Variants in SYNE2 observed in about 807,000 individuals in gnomAD.
SYNE2 encodes the protein spectrin repeat containing nuclear envelope protein 2, also known as nesprin-2.
A neutral mutation model predicts 856.3 loss-of-function variants in SYNE2; 431 were observed. That is an observed-to-expected ratio of 0.50 (90% confidence interval 0.47 to 0.55). The LOEUF is 0.55. Among genes scored for constraint, SYNE2 ranks in the 20% least tolerant of loss-of-function variants. The pLI is 0.00. For synonymous variants in SYNE2, 2,923 were observed against 2,872.3 expected, an observed-to-expected ratio of 1.02 and a Z score of -0.56; for missense variants, 8,129 against 8,023.2, an observed-to-expected ratio of 1.01 and a Z score of -0.50.
intron 114 of SYNE2, 39 bp from the exon 115 acceptor site, chr14:64,224,960 T>A (rs1567705653): frequency 6.2e-7 from 1 of 1,602,770 alleles, no homozygotes; most frequent in Non-Finnish European, 8.5e-7. Context: ...AGGACTAAAC[T>A]GTCTTCAACT....
At chr14:64,022,947 G>A in intron 38 of SYNE2, 84 bp downstream of exon 38, 1 of 786,044 alleles carries the variant, frequency 1.3e-6, no homozygotes, top group South Asian at 1.5e-5. Context: ...TAAATAGGGA[G>A]GCTGGGCATG....
chr14:64,150,466 C>T (rs1469892793), intron 84 of SYNE2, among the ~76,000 whole-genome samples: 1 of 152,146 alleles, frequency 6.6e-6, no homozygotes, highest in African/African-American at 2.4e-5. Context: ...AGTGATCCAC[C>T]TGCCTTGGCC....
intron 114 of SYNE2, 40 bp downstream of exon 114, chr14:64,224,587 T>G: frequency 6.2e-7 from 1 of 1,607,700 alleles, no homozygotes; most frequent in Non-Finnish European, 8.5e-7. Context: ...TCACTGGTTA[T>G]TTTTTAAAGT....
At chr14:64,084,795 C>T in intron 57 of SYNE2, 1 of 583,252 alleles carries the variant, frequency 1.7e-6, no homozygotes, top group Non-Finnish European at 3.1e-6. Context: ...ATGGGCATGG[C>T]TTAGCTAAGT....
Position 63,981,022 on chromosome 14 carries a change from T to A in SYNE2, c.1685T>A (p.Met562Lys), listed in dbSNP as rs767729022. The stretch of plus-strand genomic sequence containing the variant: ...CAGAATATTAATAAACAGTATATGA[T>A]GGTGAAATCTGATGTTTGTATGTAT... ...ECQNINKQYM[M>K]VKSDVCMYRK... The change falls in exon 16 of 116, where the codon ATG becomes AAG. Residue 562 changes from methionine to lysine, a missense_variant. Coordinates refer to ENST00000555002, the MANE Select transcript of SYNE2 (RefSeq NM_182914.3). 1 of 1,571,088 alleles carries A rather than the reference T, an allele frequency of 6.4e-7. No individual in the cohort carries two copies. Among genetic ancestry groups the A allele is most frequent in the Non-Finnish European group, 8.8e-7 (1 of 1,142,076 alleles).
chr14:64,209,835 C>T, intron 102 of SYNE2, 107 bp from the exon 103 acceptor site: 1 of 1,467,486 alleles, frequency 6.8e-7, no homozygotes, highest in Non-Finnish European at 9.5e-7. Flanking sequence ...GCTGCCATTG[C>T]AGTTTGGGGA....
At chr14:63,806,969 C>A (rs1022509249) in intron 1 of SYNE2, among the ~76,000 whole-genome samples, 2 of 151,756 alleles carry the variant, frequency 1.3e-5, no homozygotes, top group African/African-American at 4.8e-5. Context: ...CTTGCCTTGG[C>A]CCCTCAAACT....
chr14:63,802,213 T>C (rs908561987), intron 1 of SYNE2, among the ~76,000 whole-genome samples: 2 of 151,492 alleles, frequency 1.3e-5, no homozygotes, highest in African/African-American at 4.9e-5. Flanking sequence ...TTCAAGTGAT[T>C]CTCCTGCCTC....
intron 1 of SYNE2, among the ~76,000 whole-genome samples, chr14:63,884,791 G>T (rs2094944005): frequency 6.6e-6 from 1 of 151,620 alleles, no homozygotes; most frequent in Non-Finnish European, 1.5e-5. Flanking sequence ...TTGATAGGAA[G>T]CCTTTGAAAC....
intron 1 of SYNE2, among the ~76,000 whole-genome samples, chr14:63,880,147 G>C (rs957884608): frequency 3.3e-5 from 5 of 152,148 alleles, no homozygotes; most frequent in African/African-American, 1.2e-4. Context: ...CTGGAGTGCA[G>C]TAGCACGATC....
chr14:64,037,943 AC>A (rs1264211798), intron 45 of SYNE2, among the ~76,000 whole-genome samples: 11 of 142,892 alleles, frequency 7.7e-5, no homozygotes, highest in East Asian at 2.1e-4. Context: ...CGGGGGGCTG[AC>A]CCCCCCACCT....
chr14:63,778,561 C>T (rs1162064252), intron 1 of SYNE2, among the ~76,000 whole-genome samples: 1 of 151,972 alleles, frequency 6.6e-6, no homozygotes, highest in Non-Finnish European at 1.5e-5. Flanking sequence ...GTCACCCAGC[C>T]TATAGTGCAG....
chr14:64,134,085 A>T lies in SYNE2; in HGVS notation c.14531A>T (p.Asp4844Val). The stretch of plus-strand genomic sequence containing the variant: ...ATTCTCTAGAAATGGGAAGAATTTG[A>T]TGAAAACTATGCATCTCTTGAAAAG... ...QSLLQKWEEF[D>V]ENYASLEKDL... The change falls in exon 78 of 116, where the codon GAT becomes GTT. Residue 4844 changes from aspartate to valine, a missense_variant. This residue lies in a region of SYNE2 where 5,410 missense variants were observed against 5,284.8 expected (regional missense o/e 1.02). Transcript: ENST00000555002. 6.2e-7 allele frequency: 1 copy of T among 1,614,132 alleles called. No homozygotes were observed. The highest frequency in any genetic ancestry group is 8.5e-7 in the Non-Finnish European group (1 of 1,179,992).
At chr14:63,972,098 A>G (rs1326244233) in intron 11 of SYNE2, among the ~76,000 whole-genome samples, 1 of 152,164 alleles carries the variant, frequency 6.6e-6, no homozygotes, top group East Asian at 1.9e-4. Context: ...TAGACAACCT[A>G]ATTTTGAAGA....
intron 108 of SYNE2, among the ~76,000 whole-genome samples, chr14:64,217,057 A>G (rs530024316): frequency 6.6e-6 from 1 of 152,276 alleles, no homozygotes; most frequent in African/African-American, 2.4e-5. Flanking sequence ...CCTTTTGTCC[A>G]TACATCCTAT....
chr14:63,880,978 G>A (rs968966186), intron 1 of SYNE2, among the ~76,000 whole-genome samples: 2 of 151,882 alleles, frequency 1.3e-5, no homozygotes, highest in African/African-American at 4.8e-5. Context: ...CTCTCGAGTA[G>A]CTGGGATTAC....
At chr14:63,879,519 C>T (rs2094809301) in intron 1 of SYNE2, among the ~76,000 whole-genome samples, 1 of 152,284 alleles carries the variant, frequency 6.6e-6, no homozygotes, top group Admixed American at 6.5e-5. Context: ...AGGAAAGGCC[C>T]AGGTGGCTGG....
At chr14:63,999,129 G>T (rs2096734920) in intron 27 of SYNE2, 89 bp downstream of exon 27, 6 of 1,254,494 alleles carry the variant, frequency 4.8e-6, no homozygotes, top group Admixed American at 3.7e-5. Context: ...TTCTGTTGAG[G>T]TCACATATGC....
At chr14:63,902,860 A>AT (rs900874062) in intron 1 of SYNE2, among the ~76,000 whole-genome samples, 9 of 151,636 alleles carry the variant, frequency 5.9e-5, no homozygotes, top group African/African-American at 1.7e-4. Flanking sequence ...TGCCCAGCTA[A>AT]TTTTTTTGAT....
Sources: allele counts gnomAD v4.1 joint callset (sites outside exome capture counted in the v4.1 genomes callset), GRCh38; gene constraint gnomAD v4.1.1; regional missense constraint gnomAD v4.1.1; transcripts MANE v1.5; gene names NCBI Gene and HGNC (gene_info 2026-07-23, HGNC 2026-07-21).